The following CA10 variants were observed in gnomAD, a reference collection of about 807,000 sequenced individuals.
CA10 encodes carbonic anhydrase-related protein 10.
Under a neutral mutation model 44.2 loss-of-function variants are expected in CA10, and 14 were observed. The observed-to-expected ratio is 0.32, with a 90% CI of 0.21 to 0.50. CA10 has a LOEUF of 0.50. Ranked by LOEUF, CA10 falls within the 20% of genes least tolerant of loss-of-function variation. The pLI is 0.99. For synonymous variants in CA10, 159 were observed against 141.6 expected, an observed-to-expected ratio of 1.12 and a Z score of -0.87; for missense variants, 350 against 409.7, an observed-to-expected ratio of 0.85 and a Z score of 1.26.
At chr17:51,993,279 AC>A (rs1985109426) in intron 2 of CA10, among the ~76,000 whole-genome samples, 2 of 152,130 alleles carry the variant, frequency 1.3e-5, no homozygotes, top group African/African-American at 4.8e-5. Context: ...TGTATGAAGC[AC>A]TGCTGATTAA....
intron 4 of CA10, among the ~76,000 whole-genome samples, chr17:51,699,127 C>A (rs9910211): frequency 1.6e-4 from 24 of 152,020 alleles, no homozygotes; most frequent in African/African-American, 5.8e-4. Context: ...TTGAGACCAG[C>A]CTGGGCAACA....
At chr17:52,143,148 C>T (rs1388527815) in intron 1 of CA10, among the ~76,000 whole-genome samples, 1 of 151,602 alleles carries the variant, frequency 6.6e-6, no homozygotes, top group East Asian at 1.9e-4. Context: ...TAATACAATC[C>T]CAGTGCACTG....
At chr17:52,035,653 C>A (rs1231301267) in intron 2 of CA10, among the ~76,000 whole-genome samples, 1 of 152,146 alleles carries the variant, frequency 6.6e-6, no homozygotes, top group Non-Finnish European at 1.5e-5. Context: ...TCAGGGGTCA[C>A]AGGCACCCCT....
intron 1 of CA10, among the ~76,000 whole-genome samples, chr17:52,076,137 C>T (rs1204716603): frequency 6.6e-6 from 1 of 152,160 alleles, no homozygotes; most frequent in Non-Finnish European, 1.5e-5. Flanking sequence ...TTTTATCTCT[C>T]TTCTTACATG....
At chr17:51,961,202 C>T (rs973014911) in intron 2 of CA10, among the ~76,000 whole-genome samples, 98 of 151,590 alleles carry the variant, frequency 6.5e-4, no homozygotes, top group African/African-American at 2.3e-3. Context: ...CACACACACA[C>T]ACACACACAC....
intron 5 of CA10, among the ~76,000 whole-genome samples, chr17:51,649,771 A>G (rs1913484793): frequency 6.6e-6 from 1 of 152,112 alleles, no homozygotes; most frequent in South Asian, 2.1e-4. Context: ...GGGCCAGATC[A>G]TGTCAGGCTT....
chr17:51,656,917 AC>A (rs1365385897), intron 4 of CA10, among the ~76,000 whole-genome samples: 1 of 152,174 alleles, frequency 6.6e-6, no homozygotes, highest in African/African-American at 2.4e-5. Context: ...CACATGCATC[AC>A]CTATGTTGGA....
chr17:51,876,333 C>CT (rs536929648), intron 3 of CA10, among the ~76,000 whole-genome samples: 2 of 142,002 alleles, frequency 1.4e-5, no homozygotes, highest in South Asian at 2.3e-4. Flanking sequence ...CACCCAGCTA[C>CT]TTTTTTTTCA....
intron 3 of CA10, among the ~76,000 whole-genome samples, chr17:51,765,621 A>G (rs1203737782): frequency 6.6e-6 from 1 of 151,798 alleles, no homozygotes; most frequent in Admixed American, 6.6e-5. Flanking sequence ...TTTAGTTGTA[A>G]CCAAGAAGGC....
At chr17:52,127,470 A>C (rs989408641) in intron 1 of CA10, among the ~76,000 whole-genome samples, 2 of 152,128 alleles carry the variant, frequency 1.3e-5, no homozygotes, top group Non-Finnish European at 2.9e-5. Context: ...CTTCAGAAGT[A>C]TTCACTTCCT....
intron 3 of CA10, among the ~76,000 whole-genome samples, chr17:51,767,642 TTTA>T (rs1009827391): frequency 3.6e-4 from 55 of 152,260 alleles, no homozygotes; most frequent in African/African-American, 1.2e-3. Flanking sequence ...TATTGTGCAC[TTTA>T]TTTCTATTAT....
intron 7 of CA10, 61 bp from the exon 8 acceptor site, chr17:51,633,711 T>G (rs926092583): frequency 8.9e-6 from 14 of 1,564,416 alleles, no homozygotes; most frequent in East Asian, 4.5e-5. Context: ...AGGGAAGAAA[T>G]AAGACCACAG....
intron 4 of CA10, among the ~76,000 whole-genome samples, chr17:51,738,543 A>G (rs971664207): frequency 6.6e-6 from 1 of 152,214 alleles, no homozygotes; most frequent in Non-Finnish European, 1.5e-5. Context: ...CCAATCTTTA[A>G]TTCTCACATT....
At chr17:51,775,649 T>C (rs762315698) in intron 3 of CA10, among the ~76,000 whole-genome samples, 48 of 152,114 alleles carry the variant, frequency 3.2e-4, no homozygotes, top group Non-Finnish European at 8.8e-5. Flanking sequence ...CATTTAACAA[T>C]GAAATGCACA....
chr17:51,880,309 T>C (rs756640510), intron 3 of CA10, among the ~76,000 whole-genome samples: 1 of 152,038 alleles, frequency 6.6e-6, no homozygotes, highest in South Asian at 2.1e-4. Flanking sequence ...AAAAATATTT[T>C]TTTTTCTTTT....
At chr17:51,714,187 G>T (rs550047233) in intron 4 of CA10, among the ~76,000 whole-genome samples, 78 of 152,260 alleles carry the variant, frequency 5.1e-4, no homozygotes, top group African/African-American at 1.8e-3. Context: ...GAGAGGCAGG[G>T]TGTGATATTA....
At chr17:51,681,092 A>G (rs1914831184) in intron 4 of CA10, among the ~76,000 whole-genome samples, 2 of 152,382 alleles carry the variant, frequency 1.3e-5, no homozygotes, top group African/African-American at 4.8e-5. Flanking sequence ...CACAGTGGTT[A>G]GGTGGCTAGC....
intron 3 of CA10, among the ~76,000 whole-genome samples, chr17:51,867,719 T>G (rs1979615343): frequency 6.6e-6 from 1 of 152,224 alleles, no homozygotes; most frequent in East Asian, 1.9e-4. Context: ...TAAGTCAGTC[T>G]ACGGATGAGG....
At chr17:51,944,324 A>C (rs569065737) in intron 2 of CA10, among the ~76,000 whole-genome samples, 1 of 152,164 alleles carries the variant, frequency 6.6e-6, no homozygotes, top group Non-Finnish European at 1.5e-5. Context: ...ATGAAGTTTT[A>C]ACCGGTATGT....
Sources: gnomAD v4.1 joint callset for allele counts (sites outside exome capture counted in the v4.1 genomes callset) on GRCh38, gnomAD v4.1.1 for gene constraint, MANE v1.5 for transcripts, NCBI Gene and HGNC (gene_info 2026-07-23, HGNC 2026-07-21) for gene names.